USP9Y: variants seen among roughly 807,000 people sequenced by gnomAD.
USP9Y encodes the protein ubiquitin specific peptidase 9 Y-linked, also known as ubiquitin carboxyl-terminal hydrolase 9Y.
USP9Y carries 41 observed loss-of-function variants against 53.1 expected under a neutral mutation model. The ratio of observed to expected loss-of-function variants is 0.77; its 90% confidence interval spans 0.60 to 1.00. The LOEUF (loss-of-function observed/expected upper bound fraction) is 1.00, where lower values mean the gene tolerates loss of function less well. Ranked by LOEUF, USP9Y falls within the 50% of genes least tolerant of loss-of-function variation. USP9Y has a pLI of 0.00. For synonymous variants in USP9Y, 220 were observed against 173.7 expected, an observed-to-expected ratio of 1.27 and a Z score of -2.09; for missense variants, 567 against 535.8, an observed-to-expected ratio of 1.06 and a Z score of -0.58.
At chrY:12,813,970 C>T in intron 31 of USP9Y, among the ~76,000 whole-genome samples, 1 of 33,021 alleles carries the variant, frequency 3.0e-5, no homozygotes, top group Admixed American at 2.7e-4. Flanking sequence ...GCGACTGTCA[C>T]CACACCTGGC....
In USP9Y at chrY:12,818,530, A is replaced by T; in HGVS notation, c.4941A>T (p.Arg1647Ser). Residue 1647 changes from arginine (R) to serine (S), a missense_variant, in exon 33 of 46, where the codon AGA becomes AGT. Coordinates refer to ENST00000338981, the MANE Select transcript of USP9Y (RefSeq NM_004654.4). Reference protein sequence around the residue: ...DRKEYNIGVLRHLQVIFGHLA... With the variant: ...DRKEYNIGVLSHLQVIFGHLA... Reference sequence around the variant, plus strand: ...AAGAGTATAATATTGGTGTCCTAAGACACCTTCAGGTCATCTTTGGTCATT... The same window carrying T: ...AAGAGTATAATATTGGTGTCCTAAGTCACCTTCAGGTCATCTTTGGTCATT... The T allele has an allele frequency of 2.5e-6, 1 of 397,550 alleles. No homozygotes were observed.
chrY:12,724,712 C>T (rs2053439574), intron 5 of USP9Y, among the ~76,000 whole-genome samples: 1 of 33,148 alleles, frequency 3.0e-5, no homozygotes, highest in Non-Finnish European at 7.4e-5. Flanking sequence ...GGCAATTTAC[C>T]GGGAAAAATC....
chrY:12,788,017 A>G (rs2053503784), intron 24 of USP9Y, among the ~76,000 whole-genome samples: 1 of 33,960 alleles, frequency 2.9e-5, no homozygotes, highest in Non-Finnish European at 7.4e-5. Context: ...ACTGTCTACA[A>G]TACGTACAAG....
At chrY:12,762,912 G>C in intron 15 of USP9Y, among the ~76,000 whole-genome samples, 2 of 33,055 alleles carry the variant, frequency 6.1e-5, no homozygotes, top group Non-Finnish European at 1.5e-4. Context: ...GCTGAATAAT[G>C]TCAGTTTGTT....
intron 15 of USP9Y, among the ~76,000 whole-genome samples, chrY:12,766,969 G>A (rs2053480472): frequency 3.0e-5 from 1 of 33,327 alleles, no homozygotes; most frequent in East Asian, 8.0e-4. Context: ...GCCAAGCGAC[G>A]GATGAGAAAA....
chrY:12,792,114 G>T (rs2053508909), intron 26 of USP9Y, among the ~76,000 whole-genome samples: 1 of 33,847 alleles, frequency 3.0e-5, no homozygotes, highest in Admixed American at 2.6e-4. Flanking sequence ...TCCGGCAGGT[G>T]GGGGGCGGGG....
chrY:12,858,333 C>CT (rs2053579731), intron 45 of USP9Y, among the ~76,000 whole-genome samples: 8 of 29,339 alleles, frequency 2.7e-4, no homozygotes, highest in South Asian at 1.6e-3. Flanking sequence ...AAGAATTGGC[C>CT]TTTTTTTTTT....
Position 12,838,045 on chromosome Y carries a change from A to G in USP9Y, c.5330A>G (p.Asp1777Gly), listed in dbSNP as rs1267914572. The change falls in exon 35 of 46, where the codon GAT (aspartate) becomes GGT (glycine). Residue 1777 changes from aspartate to glycine, a missense_variant. Transcript: ENST00000338981. ...AATGCATATCATTGTGAAAAATGTGATAAAAAGGTATTTTTTTTTACTTTT... is the reference window on the plus strand; with the variant it reads ...AATGCATATCATTGTGAAAAATGTGGTAAAAAGGTATTTTTTTTTACTTTT... ...GANAYHCEKC[D>G]KKVDTVKRLL... 2.7e-6 allele frequency: 1 copy of G among 374,586 alleles called. No individual in the cohort carries two copies. Among genetic ancestry groups the G allele is most frequent in the Admixed American group, 7.6e-5 (1 of 13,126 alleles). The allele number at this position is 374,586 out of a possible 400,897, so 93.4% of individuals were successfully genotyped here.
rs746317868 is a variant in USP9Y at position 12,755,680 on chromosome Y, C to T, written c.1423-1512C>T. On this transcript the variant is annotated intron_variant, in intron 12 of 45. Transcript: ENST00000338981. ...AATCTTTGATAATTCTAACATCTGT[C>T]GTTTTTGTGTTGGCACCAGTCAATT... Among the ~76,000 whole-genome samples, 3 of 33,431 alleles carry T rather than the reference C, an allele frequency of 9.0e-5. No homozygotes were observed. In the East Asian group the frequency reaches 2.4e-3, roughly 26 times the overall value. 89.7% of individuals were successfully genotyped at this position (33,431 alleles called of 37,273 possible). A position where few individuals can be genotyped will look rare whatever the true frequency, so the allele number is the denominator to read the frequency against.
Position 12,786,687 on chromosome Y carries a change from T to A in USP9Y, c.3448T>A (p.Leu1150Ile). ...TDMETRRGAY[L>I]NALKIAKLLL... Reference sequence around the variant, plus strand: ...TATGGAAACTCGAAGGGGTGCTTATTTAAATGCTCTTAAAATAGCCAAACT... The same window carrying A: ...TATGGAAACTCGAAGGGGTGCTTATATAAATGCTCTTAAAATAGCCAAACT... Residue 1150 changes from leucine (L) to isoleucine (I), a missense_variant, in exon 24 of 46, where the codon TTA becomes ATA. Transcript: ENST00000338981. The A allele has an allele frequency of 2.5e-6, 1 of 397,998 alleles. No homozygotes were observed. Among genetic ancestry groups the A allele is most frequent in the Non-Finnish European group, 3.5e-6 (1 of 283,224 alleles).
intron 3 of USP9Y, among the ~76,000 whole-genome samples, chrY:12,716,085 G>A (rs2053430252): frequency 3.0e-5 from 1 of 33,599 alleles, no homozygotes; most frequent in Non-Finnish European, 7.4e-5. Flanking sequence ...TATGTTCTGA[G>A]AAATGCATTG....
intron 3 of USP9Y, among the ~76,000 whole-genome samples, chrY:12,719,468 A>T: frequency 8.9e-5 from 3 of 33,874 alleles, no homozygotes; most frequent in African/African-American, 3.4e-4. Flanking sequence ...ATCTAAGTTT[A>T]AAAAAGTAGG....
chrY:12,841,001 T>C lies in USP9Y; in HGVS notation c.6089-9T>C. The C allele has an allele frequency of 2.6e-6, 1 of 388,656 alleles. No individual in the cohort carries two copies. The highest frequency in any genetic ancestry group is 3.6e-6 in the Non-Finnish European group (1 of 275,522). On this transcript the variant is annotated splice_polypyrimidine_tract_variant and intron_variant, in intron 36 of 45. Coordinates refer to ENST00000338981, the MANE Select transcript of USP9Y (RefSeq NM_004654.4). ...TGTTTTTAACCATATATATACTTTT[T>C]ATTTAAAGGGCAGGATTATTTGTTG... is the stretch of plus-strand genomic sequence containing the variant.
In USP9Y at chrY:12,766,134, A is replaced by ACAT. The variant is rs1569388936; in HGVS notation, c.1901-4933_1901-4931dup. ...CTGGGAAGTCATGTACAACATCTGG[A>ACAT]CATAGTTTTGAATGTGTTGTTTCCA... On this transcript the variant is annotated intron_variant, in intron 15 of 45. Coordinates refer to ENST00000338981, the MANE Select transcript of USP9Y (RefSeq NM_004654.4). 8.8e-5 allele frequency among the ~76,000 whole-genome samples: 3 copies of ACAT among 33,962 alleles called. No individual in the cohort carries two copies. In the East Asian group the frequency reaches 2.4e-3, roughly 27 times the overall value. The allele number at this position is 33,962 out of a possible 37,273, so 91.1% of individuals were successfully genotyped here. A position where few individuals can be genotyped will look rare whatever the true frequency, so the allele number is the denominator to read the frequency against.
At position 12,714,185 on chromosome Y, in the gene USP9Y, A is replaced by AT. The variant is rs763602799; in HGVS notation, c.96+4654dup. Among the ~76,000 whole-genome samples, 77 of 27,242 alleles carry AT rather than the reference A, an allele frequency of 2.8e-3. No homozygotes were observed. The East Asian group carries it at 0.054, about 19-fold the overall frequency. 73.1% of individuals were successfully genotyped at this position (27,242 alleles called of 37,273 possible). A position where few individuals can be genotyped will look rare whatever the true frequency, so the allele number is the denominator to read the frequency against. On this transcript the variant is annotated intron_variant, in intron 3 of 45. Transcript: ENST00000338981. ...AGATTACAGCCATCGTGCCAGGCCA[A>AT]TTTTTTTTTTTTAATTTTCAGCCTA...
chrY:12,714,618 T>G (rs1603195735), intron 3 of USP9Y, among the ~76,000 whole-genome samples: 2 of 26,717 alleles, frequency 7.5e-5, no homozygotes, highest in Admixed American at 3.5e-4. Flanking sequence ...TTTTTGTGTT[T>G]TTTTTTTTTT....
intron 17 of USP9Y, among the ~76,000 whole-genome samples, chrY:12,774,191 G>A (rs2053489763): frequency 6.1e-5 from 2 of 32,770 alleles, no homozygotes; most frequent in African/African-American, 2.4e-4. Flanking sequence ...GGCTGGGTGC[G>A]GTGTCTCATG....
chrY:12,715,945 G>GTT (rs2053430157), intron 3 of USP9Y, among the ~76,000 whole-genome samples: 2 of 33,208 alleles, frequency 6.0e-5, no homozygotes. Flanking sequence ...CTAGCTAAAG[G>GTT]TTTAGCAGCT....
At chrY:12,820,675 C>G (rs2148290070) in intron 33 of USP9Y, among the ~76,000 whole-genome samples, 17 of 33,388 alleles carry the variant, frequency 5.1e-4, no homozygotes, top group Non-Finnish European at 8.1e-4. Flanking sequence ...TTTCTGCAAT[C>G]TAGTCAACAA....
Sources: gnomAD v4.1 joint callset for allele counts (sites outside exome capture counted in the v4.1 genomes callset) on GRCh38, gnomAD v4.1.1 for gene constraint, MANE v1.5 for transcripts, NCBI Gene and HGNC (gene_info 2026-07-23, HGNC 2026-07-21) for gene names.